CRYL1: variants seen among roughly 807,000 people sequenced by gnomAD.
CRYL1 encodes the protein crystallin lambda 1, also known as lambda-crystallin homolog.
A neutral mutation model predicts 36.6 loss-of-function variants in CRYL1; 29 were observed. The observed-to-expected ratio is 0.79, with a 90% CI of 0.59 to 1.08. CRYL1 has a LOEUF of 1.08. Ranked by LOEUF, CRYL1 falls within the 50% of genes least tolerant of loss-of-function variation. CRYL1 has a pLI of 0.00. For synonymous variants in CRYL1, 152 were observed against 151.5 expected (o/e 1.00, Z -0.02); for missense variants, 411 against 407.9 (o/e 1.01, Z -0.06).
At chr13:20,508,193 C>A (rs375047156) in intron 2 of CRYL1, among the ~76,000 whole-genome samples, 5 of 152,096 alleles carry the variant, frequency 3.3e-5, no homozygotes, top group African/African-American at 4.8e-5. Flanking sequence ...CACACCACCC[C>A]ACTCCAGCCT....
intron 4 of CRYL1, 59 bp downstream of exon 4, chr13:20,439,534 A>AAAAAAAAAAAAAAAAAAAAAG: frequency 7.4e-7 from 1 of 1,349,130 alleles, no homozygotes; most frequent in East Asian, 2.5e-5. Flanking sequence ...AAAAAAAGAA[A>AAAAAAAAAAAAAAAAAAAAAG]AAAAAAAAAC....
intron 3 of CRYL1, among the ~76,000 whole-genome samples, chr13:20,474,718 G>A (rs1396353608): frequency 1.3e-5 from 2 of 152,122 alleles, no homozygotes; most frequent in Non-Finnish European, 2.9e-5. Flanking sequence ...GCTGTGTCCA[G>A]GGGGACACAC....
intron 2 of CRYL1, among the ~76,000 whole-genome samples, chr13:20,496,173 C>T (rs2033601622): frequency 1.3e-5 from 2 of 152,156 alleles, no homozygotes; most frequent in Admixed American, 1.3e-4. Flanking sequence ...TGCCATATGA[C>T]TCCACCTACA....
At chr13:20,517,718 C>T (rs954852208) in intron 1 of CRYL1, among the ~76,000 whole-genome samples, 14 of 151,952 alleles carry the variant, frequency 9.2e-5, no homozygotes, top group Non-Finnish European at 4.4e-5. Context: ...GGGTGGATCA[C>T]GAGGGCAGGA....
chr13:20,438,341 C>G (rs1177450172), intron 4 of CRYL1, among the ~76,000 whole-genome samples: 1 of 152,126 alleles, frequency 6.6e-6, no homozygotes, highest in Non-Finnish European at 1.5e-5. Context: ...GGACTACTGC[C>G]CAAGTCCTGT....
intron 3 of CRYL1, among the ~76,000 whole-genome samples, chr13:20,443,016 A>C (rs1175100498): frequency 2.6e-5 from 4 of 152,200 alleles, no homozygotes; most frequent in African/African-American, 4.8e-5. Flanking sequence ...GAGTTTAGAC[A>C]CTGGTGTTTC....
chr13:20,508,934 T>C (rs2033863127), intron 2 of CRYL1, among the ~76,000 whole-genome samples: 2 of 140,514 alleles, frequency 1.4e-5, no homozygotes, highest in South Asian at 4.7e-4. Context: ...CTCACACCTA[T>C]AATCCCATAT....
intron 5 of CRYL1, among the ~76,000 whole-genome samples, chr13:20,430,062 C>T (rs1164278393): frequency 6.6e-6 from 1 of 152,096 alleles, no homozygotes; most frequent in African/African-American, 2.4e-5. Flanking sequence ...GCCCCTCATA[C>T]CCTGGAAGTC....
intron 1 of CRYL1, among the ~76,000 whole-genome samples, chr13:20,521,021 G>A (rs1304717881): frequency 1.4e-5 from 2 of 146,548 alleles, no homozygotes; most frequent in East Asian, 4.4e-4. Context: ...GGAGAATCCC[G>A]TGAACCCGGA....
In CRYL1 at chr13:20,525,829, G is replaced by A; in HGVS notation, c.-35C>T. The A allele has an allele frequency of 1.6e-6, 2 of 1,221,560 alleles. No homozygotes were observed. The highest frequency in any genetic ancestry group is 6.7e-5 in the East Asian group (2 of 29,942). The allele number at this position is 1,221,560 out of a possible 1,614,324, so 75.7% of individuals were successfully genotyped here. A position where few individuals can be genotyped will look rare whatever the true frequency, so the allele number is the denominator to read the frequency against. On this transcript the variant is annotated 5_prime_UTR_variant, in exon 1 of 8. Transcript: ENST00000298248. This position sits in a 1 kb window ranked among gnomAD's most constrained non-coding sequence, Gnocchi z 4.3. ...GGGGACGCGGCGCCGCGGGCGCTGGGACCAGGCGCCGGCGGAGCTGCGAGC... is the reference window on the plus strand; with the variant it reads ...GGGGACGCGGCGCCGCGGGCGCTGGAACCAGGCGCCGGCGGAGCTGCGAGC...
chr13:20,495,483 G>T (rs1377692321), intron 2 of CRYL1, among the ~76,000 whole-genome samples: 1 of 152,068 alleles, frequency 6.6e-6, no homozygotes, highest in African/African-American at 2.4e-5. Flanking sequence ...CTCAAAAGGA[G>T]CATGTATTTA....
At chr13:20,426,892 C>A (rs1211447578) in intron 5 of CRYL1, 7 of 985,528 alleles carry the variant, frequency 7.1e-6, no homozygotes, top group Non-Finnish European at 7.2e-6. Context: ...GCGGCCCAGG[C>A]CCTAAGGACA....
intron 3 of CRYL1, among the ~76,000 whole-genome samples, chr13:20,465,982 C>T (rs1048910988): frequency 6.6e-6 from 1 of 151,708 alleles, no homozygotes; most frequent in Non-Finnish European, 1.5e-5. Context: ...TCCCTTTTCT[C>T]CCTTTCACCA....
chr13:20,504,656 A>G (rs1454220268), intron 2 of CRYL1, among the ~76,000 whole-genome samples: 1 of 152,218 alleles, frequency 6.6e-6, no homozygotes, highest in Non-Finnish European at 1.5e-5. Context: ...CACTGGGCAT[A>G]CAATGGTGAA....
At chr13:20,506,406 G>T (rs1467380172) in intron 2 of CRYL1, among the ~76,000 whole-genome samples, 1 of 151,934 alleles carries the variant, frequency 6.6e-6, no homozygotes, top group Admixed American at 6.6e-5. Context: ...AGTTATTTAG[G>T]TTTTTCTGGT....
chr13:20,467,250 A>G (rs2032958467), intron 3 of CRYL1, among the ~76,000 whole-genome samples: 1 of 152,004 alleles, frequency 6.6e-6, no homozygotes, highest in Admixed American at 6.6e-5. Flanking sequence ...CCCGGCCCAT[A>G]CAGTATAACA....
chr13:20,504,023 C>G (rs373235239), intron 2 of CRYL1, among the ~76,000 whole-genome samples: 24 of 152,216 alleles, frequency 1.6e-4, no homozygotes, highest in African/African-American at 5.5e-4. Context: ...GGTGGAGAAA[C>G]CAAGATCGAA....
rs114915255 is a variant in CRYL1 at position 20,503,217 on chromosome 13, G to A, written c.149+9226C>T. ...AATTATTTGATCTGTCCTAATGACA[G>A]CTAAGTGATAGCAGGATCTGTGAAC... On this transcript the variant is annotated intron_variant, in intron 2 of 7. Transcript: ENST00000298248. Among the ~76,000 whole-genome samples, 176 of 152,346 alleles carry A rather than the reference G, an allele frequency of 1.2e-3. 3 individuals are homozygous for A. The highest frequency in any genetic ancestry group is 4.1e-3 in the African/African-American group (172 of 41,580).
At chr13:20,424,229 G>T (rs1356809910) in intron 5 of CRYL1, among the ~76,000 whole-genome samples, 1 of 152,190 alleles carries the variant, frequency 6.6e-6, no homozygotes, top group Non-Finnish European at 1.5e-5. Context: ...CAATTAACCA[G>T]GAGGCTGGTC....
Sources: gnomAD v4.1 joint callset for allele counts (sites outside exome capture counted in the v4.1 genomes callset) on GRCh38, gnomAD v4.1.1 for gene constraint, Gnocchi (gnomAD v3.1) non-coding constraint, MANE v1.5 for transcripts, NCBI Gene and HGNC (gene_info 2026-07-23, HGNC 2026-07-21) for gene names.